The following SLC6A6 variants were observed in gnomAD, a reference collection of about 807,000 sequenced individuals.
SLC6A6 encodes the protein solute carrier family 6 member 6.
A neutral mutation model predicts 68.8 loss-of-function variants in SLC6A6; 16 were observed. That is an observed-to-expected ratio of 0.23 (90% CI 0.16 to 0.35). The LOEUF (loss-of-function observed/expected upper bound fraction) is 0.35, where lower values mean the gene tolerates loss of function less well. Ranked by LOEUF, SLC6A6 falls within the 10% of genes least tolerant of loss-of-function variation. The probability of loss-of-function intolerance (pLI) is 1.00; values close to 1 mark genes in which losing one functional copy is unlikely to be tolerated. For missense variants in SLC6A6, 474 were observed against 802.8 expected, an observed-to-expected ratio of 0.59 and a Z score of 4.95; for synonymous variants, 312 against 315.4, an observed-to-expected ratio of 0.99 and a Z score of 0.12.
chr3:14,420,983 T>C (rs1021971209), intron 2 of SLC6A6, among the ~76,000 whole-genome samples: 2 of 152,226 alleles, frequency 1.3e-5, no homozygotes, highest in Admixed American at 6.5e-5. Context: ...AGAAGTGGGC[T>C]TGCTGGTCGA....
intron 1 of SLC6A6, among the ~76,000 whole-genome samples, chr3:14,414,599 C>T (rs1047710902): frequency 2.6e-5 from 4 of 151,980 alleles, no homozygotes; most frequent in Non-Finnish European, 5.9e-5. Flanking sequence ...GATCACTGCT[C>T]GCTGCAACCT....
rs764704869 is a variant in SLC6A6 at position 14,477,364 on chromosome 3, G to A, written c.1347+22G>A. 3.7e-6 allele frequency: 6 copies of A among 1,612,720 alleles called. No individual in the cohort carries two copies. Among genetic ancestry groups the A allele is most frequent in the Non-Finnish European group, 5.1e-6 (6 of 1,179,106 alleles). Reference sequence around the variant, plus strand: ...GGAGGTAGGTGGCTCTCTCAGCTGTGTTTCAGGCTTGGTGCTCCAGTGCCC... The same window carrying A: ...GGAGGTAGGTGGCTCTCTCAGCTGTATTTCAGGCTTGGTGCTCCAGTGCCC... On this transcript the variant is annotated intron_variant, in intron 11 of 14. Transcript: ENST00000622186. This position sits in a 1 kb window ranked among gnomAD's most constrained non-coding sequence, Gnocchi z 4.2.
At chr3:14,407,744 G>C (rs1226135037) in intron 1 of SLC6A6, among the ~76,000 whole-genome samples, 1 of 152,080 alleles carries the variant, frequency 6.6e-6, no homozygotes, top group Admixed American at 6.6e-5. Flanking sequence ...AGGCTTAAAC[G>C]ATCCACCCTT....
At chr3:14,435,854 C>T (rs529866074) in intron 2 of SLC6A6, among the ~76,000 whole-genome samples, 70 of 152,338 alleles carry the variant, frequency 4.6e-4, no homozygotes, top group Non-Finnish European at 8.1e-4. Flanking sequence ...GCACCAGTCC[C>T]GAAGGCACCT....
intron 2 of SLC6A6, among the ~76,000 whole-genome samples, chr3:14,440,713 G>A (rs1425820994): frequency 2.0e-5 from 3 of 152,156 alleles, no homozygotes; most frequent in African/African-American, 4.8e-5. Flanking sequence ...TTGCCATGGC[G>A]ATAGAGAGCT....
chr3:14,415,693 T>C (rs1328445266), intron 1 of SLC6A6, among the ~76,000 whole-genome samples: 1 of 152,104 alleles, frequency 6.6e-6, no homozygotes, highest in Non-Finnish European at 1.5e-5. Flanking sequence ...ACTGAGCTTC[T>C]ACTGAAAAAG....
At chr3:14,444,985 C>T (rs1700080125) in intron 3 of SLC6A6, 55 of 401,248 alleles carry the variant, frequency 1.4e-4, no homozygotes, top group South Asian at 9.8e-4. Flanking sequence ...GCTTTTCTGC[C>T]TCCTGCCCTG....
At chr3:14,407,101 G>C (rs1004938751) in intron 1 of SLC6A6, among the ~76,000 whole-genome samples, 16 of 151,836 alleles carry the variant, frequency 1.1e-4, no homozygotes, top group Non-Finnish European at 2.2e-4. Context: ...CCAGGCTGGA[G>C]TGCAGTGGTG....
chr3:14,430,324 A>G (rs1699693226), intron 2 of SLC6A6, among the ~76,000 whole-genome samples: 1 of 151,716 alleles, frequency 6.6e-6, no homozygotes, highest in East Asian at 2.0e-4. Flanking sequence ...AGCAGAGGTC[A>G]GGGCACGCCT....
At chr3:14,420,109 G>A (rs1291112269) in intron 2 of SLC6A6, among the ~76,000 whole-genome samples, 1 of 152,168 alleles carries the variant, frequency 6.6e-6, no homozygotes, top group East Asian at 1.9e-4. Flanking sequence ...GTAATAAAAT[G>A]ATATTTATTA....
intron 2 of SLC6A6, among the ~76,000 whole-genome samples, chr3:14,431,473 C>T (rs1699722723): frequency 6.6e-6 from 1 of 152,182 alleles, no homozygotes; most frequent in African/African-American, 2.4e-5. Context: ...GAGGCTGTCC[C>T]ATCGAGGCTG....
At chr3:14,442,396 T>C (rs1288984799) in intron 2 of SLC6A6, among the ~76,000 whole-genome samples, 1 of 152,210 alleles carries the variant, frequency 6.6e-6, no homozygotes. Context: ...GCCTAGTAGC[T>C]CTGGTTTTCC....
At chr3:14,407,334 G>A (rs1333688572) in intron 1 of SLC6A6, among the ~76,000 whole-genome samples, 2 of 152,096 alleles carry the variant, frequency 1.3e-5, no homozygotes, top group Non-Finnish European at 2.9e-5. Flanking sequence ...TTTAAATTGA[G>A]TTATGATTTA....
rs1700972519 is a variant in SLC6A6 at position 14,480,025 on chromosome 3, G to A, written c.1551+840G>A. 2.0e-5 allele frequency among the ~76,000 whole-genome samples: 3 copies of A among 152,176 alleles called. No homozygotes were observed. The South Asian group carries it at 6.2e-4, about 31-fold the overall frequency. On this transcript the variant is annotated intron_variant, in intron 13 of 14. Coordinates refer to ENST00000622186, the MANE Select transcript of SLC6A6 (RefSeq NM_003043.6). ...CCCTCCCCTCCGTGACCTGCTATCA[G>A]GCCAGACTAAGTCAATGTTGCTGTT...
At chr3:14,475,459 T>C (rs1415662831) in intron 10 of SLC6A6, among the ~76,000 whole-genome samples, 1 of 152,194 alleles carries the variant, frequency 6.6e-6, no homozygotes, top group African/African-American at 2.4e-5. Flanking sequence ...AGATTTACTC[T>C]AATAATTTCA....
chr3:14,436,511 G>C (rs911579720), intron 2 of SLC6A6, among the ~76,000 whole-genome samples: 4 of 102,682 alleles, frequency 3.9e-5, no homozygotes, highest in African/African-American at 1.5e-4. Flanking sequence ...CCCAGGAATA[G>C]CACTCTTAAC....
chr3:14,410,780 G>A (rs1013187278), intron 1 of SLC6A6, among the ~76,000 whole-genome samples: 4 of 152,214 alleles, frequency 2.6e-5, no homozygotes, highest in African/African-American at 7.2e-5. Context: ...AATGCCAAGT[G>A]ACTCACTGTC....
chr3:14,468,281 T>C lies in SLC6A6; in HGVS notation c.1096+69T>C. On this transcript the variant is annotated intron_variant, in intron 9 of 14. Coordinates refer to ENST00000622186, the MANE Select transcript of SLC6A6 (RefSeq NM_003043.6). This position sits in a 1 kb window ranked among gnomAD's most constrained non-coding sequence, Gnocchi z 4.5. ...GTGTGTAAGCCAAGTACTGCAGGCA[T>C]GAAGCCAGACCCCAGGGGGCTTTGA... 1 of 1,454,848 alleles carries C rather than the reference T, an allele frequency of 6.9e-7. No homozygotes were observed. Among genetic ancestry groups the C allele is most frequent in the Non-Finnish European group, 9.3e-7 (1 of 1,071,664 alleles). The allele number at this position is 1,454,848 out of a possible 1,614,324, so 90.1% of individuals were successfully genotyped here. A position where few individuals can be genotyped will look rare whatever the true frequency, so the allele number is the denominator to read the frequency against.
chr3:14,421,287 A>C (rs1234500338), intron 2 of SLC6A6, among the ~76,000 whole-genome samples: 2 of 152,164 alleles, frequency 1.3e-5, no homozygotes, highest in African/African-American at 4.8e-5. Flanking sequence ...GAGGTTGAAA[A>C]ACATACTCCA....
Sources: gnomAD v4.1 joint callset for allele counts (sites outside exome capture counted in the v4.1 genomes callset) on GRCh38, gnomAD v4.1.1 for gene constraint, Gnocchi (gnomAD v3.1) non-coding constraint, MANE v1.5 for transcripts, NCBI Gene and HGNC (gene_info 2026-07-23, HGNC 2026-07-21) for gene names.